The following PI4KA variants were observed in gnomAD, a reference collection of about 807,000 sequenced individuals.
PI4KA encodes PI4-kinase alpha.
PI4KA carries 122 observed loss-of-function variants against 271.4 expected under a neutral mutation model. The ratio of observed to expected loss-of-function variants is 0.45; its 90% confidence interval spans 0.39 to 0.52. PI4KA has a LOEUF of 0.52. Among genes scored for constraint, PI4KA ranks in the 20% least tolerant of loss-of-function variants. The probability of loss-of-function intolerance (pLI) is 0.00; values close to 1 mark genes in which losing one functional copy is unlikely to be tolerated. For synonymous variants in PI4KA, 1,041 were observed against 1,078.8 expected (o/e 0.96, Z 0.69); for missense variants, 1,969 against 2,769.1 (o/e 0.71, Z 6.48).
At chr22:20,793,292 T>TA in intron 18 of PI4KA, 49 bp from the exon 19 acceptor site, 3 of 1,085,358 alleles carry the variant, frequency 2.8e-6, no homozygotes, top group Non-Finnish European at 4.2e-6. Flanking sequence ...GTTTCTTTTA[T>TA]TAAAAAAAAA....
chr22:20,853,431 C>T lies in PI4KA; in HGVS notation c.156+5139G>A, dbSNP rs543201657. ...ACAGGTGAGAACCAGGAAAGCAGAACAAGACTAGCGGGCAGATAGAAATCA... is the reference window on the plus strand; with the variant it reads ...ACAGGTGAGAACCAGGAAAGCAGAATAAGACTAGCGGGCAGATAGAAATCA... On this transcript the variant is annotated intron_variant, in intron 1 of 54. Transcript: ENST00000255882. Among the ~76,000 whole-genome samples the T allele has an allele frequency of 3.3e-3, 506 of 152,306 alleles. 1 individual carries two copies. The highest frequency in any genetic ancestry group is 4.6e-3 in the Non-Finnish European group (310 of 68,030).
At chr22:20,718,471 G>C (rs1266689293) in intron 44 of PI4KA, among the ~76,000 whole-genome samples, 1 of 152,164 alleles carries the variant, frequency 6.6e-6, no homozygotes, top group Non-Finnish European at 1.5e-5. Flanking sequence ...TGGCGTGGCC[G>C]TGCATTCTGC....
At chr22:20,722,687 G>T (rs1351979820) in intron 42 of PI4KA, among the ~76,000 whole-genome samples, 2 of 151,842 alleles carry the variant, frequency 1.3e-5, no homozygotes, top group Non-Finnish European at 2.9e-5. Flanking sequence ...CATGCCCTAG[G>T]TTTAAAAAGG....
chr22:20,779,757 G>T, intron 19 of PI4KA: 1 of 1,614,180 alleles, frequency 6.2e-7, no homozygotes, highest in East Asian at 2.2e-5. Context: ...CAACACTTTC[G>T]ATAACATCTT....
chr22:20,855,042 C>G (rs916035112), intron 1 of PI4KA, among the ~76,000 whole-genome samples: 1 of 151,724 alleles, frequency 6.6e-6, no homozygotes, highest in Non-Finnish European at 1.5e-5. Context: ...GTCCCAGCTA[C>G]TCAGGAGACT....
chr22:20,710,917 G>A (rs1293483238), intron 51 of PI4KA, 59 bp from the exon 52 acceptor site: 1 of 1,597,530 alleles, frequency 6.3e-7, no homozygotes, highest in Non-Finnish European at 8.6e-7. Context: ...GCAAGGACAA[G>A]TGGTCTGTTT....
Position 20,747,556 on chromosome 22 carries a change from A to G in PI4KA, c.3363+27T>C, listed in dbSNP as rs368224531. The G allele has an allele frequency of 5.6e-6, 9 of 1,612,024 alleles. No individual in the cohort carries two copies. In the African/African-American group the frequency reaches 8.0e-5, roughly 14 times the overall value. On this transcript the variant is annotated intron_variant, in intron 29 of 54. Transcript: ENST00000255882. ...TGTGGCTCCTATGGTCTAAGGGGTC[A>G]CTGCTCTTCAGAAGGCTCGCACATA...
chr22:20,796,430 T>C, intron 17 of PI4KA, 116 bp from the exon 18 acceptor site: 1 of 836,274 alleles, frequency 1.2e-6, no homozygotes, highest in Non-Finnish European at 1.9e-6. Context: ...CTTACCACAC[T>C]CCTCCCAGTG....
intron 30 of PI4KA, 36 bp downstream of exon 30, chr22:20,744,592 G>C: frequency 6.6e-7 from 1 of 1,513,958 alleles, no homozygotes. Flanking sequence ...AAGAGGACAC[G>C]TTAAAGGCCC....
chr22:20,793,430 C>A, intron 18 of PI4KA, 187 bp from the exon 19 acceptor site: 1 of 514,498 alleles, frequency 1.9e-6, no homozygotes. Flanking sequence ...AAAATGAAAA[C>A]AAATGTGAAA....
intron 1 of PI4KA, among the ~76,000 whole-genome samples, chr22:20,853,801 G>A (rs1280648701): frequency 6.6e-6 from 1 of 152,038 alleles, no homozygotes; most frequent in African/African-American, 2.4e-5. Context: ...TGGTCAGGTT[G>A]GGGTAGCTCA....
In PI4KA at chr22:20,858,772, C is replaced by G. The variant is rs147360145; in HGVS notation, c.-47G>C. On this transcript the variant is annotated 5_prime_UTR_variant, in exon 1 of 55. Transcript: ENST00000255882. ...GCCCGCCGGCTCCCCGCTCCTGGCC[C>G]GCGAGCGCCCGACCTCAGGGCGCAG... 0.041 allele frequency: 55,485 copies of G among 1,366,672 alleles called. 1,261 individuals are homozygous for G. Among genetic ancestry groups the G allele is most frequent in the Non-Finnish European group, 0.046 (48,509 of 1,056,032 alleles). 84.7% of individuals were successfully genotyped at this position (1,366,672 alleles called of 1,614,324 possible). A position where few individuals can be genotyped will look rare whatever the true frequency, so the allele number is the denominator to read the frequency against.
chr22:20,843,065 T>A (rs1363062036), intron 1 of PI4KA, among the ~76,000 whole-genome samples: 1 of 138,658 alleles, frequency 7.2e-6, no homozygotes. Flanking sequence ...GCCACTGCAC[T>A]CCAGCCTGGG....
intron 23 of PI4KA, among the ~76,000 whole-genome samples, chr22:20,756,819 T>C (rs1394589126): frequency 1.3e-5 from 2 of 151,010 alleles, no homozygotes; most frequent in Non-Finnish European, 3.0e-5. Flanking sequence ...TTAGTAGAGA[T>C]GGGTTTCATC....
At chr22:20,725,828 C>T in intron 42 of PI4KA, 1 of 247,048 alleles carries the variant, frequency 4.0e-6, no homozygotes, top group Non-Finnish European at 8.5e-6. Flanking sequence ...GGGAGGATAG[C>T]TTGAGCCCGA....
Position 20,798,813 on chromosome 22 carries a change from C to T in PI4KA, c.2005-126G>A, listed in dbSNP as rs112407606. The T allele has an allele frequency of 4.0e-4, 283 of 704,076 alleles. 2 individuals carry two copies. The African/African-American group carries it at 4.3e-3, about 11-fold the overall frequency. 43.6% of individuals were successfully genotyped at this position (704,076 alleles called of 1,614,324 possible). ...GCCCAAAGACTATCAGCCCAAAGAT[C>T]ATCCATTTCTAAAGCTTTAATCAAA... On this transcript the variant is annotated intron_variant, in intron 16 of 54. Coordinates refer to ENST00000255882, the MANE Select transcript of PI4KA (RefSeq NM_058004.4).
chr22:20,779,202 C>T, intron 19 of PI4KA: 1 of 1,597,532 alleles, frequency 6.3e-7, no homozygotes, highest in East Asian at 2.2e-5. Context: ...GGGCCTCTTC[C>T]TGGGTCAAAG....
chr22:20,732,951 G>A lies in PI4KA; in HGVS notation c.4288+20C>T, dbSNP rs778093823. ...GTCCTGCCTGCCTCCACCATGAGCA[G>A]CTGCACTGTTGAGGGTTACCTGGGG... is the stretch of plus-strand genomic sequence containing the variant. On this transcript the variant is annotated intron_variant, in intron 36 of 54. Coordinates refer to ENST00000255882, the MANE Select transcript of PI4KA (RefSeq NM_058004.4). The A allele has an allele frequency of 3.1e-5, 50 of 1,610,832 alleles. No individual in the cohort carries two copies. The highest frequency in any genetic ancestry group is 1.6e-4 in the South Asian group (15 of 90,974).
At chr22:20,721,035 G>A (rs969658249) in intron 43 of PI4KA, among the ~76,000 whole-genome samples, 2 of 152,330 alleles carry the variant, frequency 1.3e-5, no homozygotes, top group East Asian at 3.9e-4. Context: ...AGACTCTGCA[G>A]AAGCAGCCAC....
Sources: allele counts gnomAD v4.1 joint callset (sites outside exome capture counted in the v4.1 genomes callset), GRCh38; gene constraint gnomAD v4.1.1; transcripts MANE v1.5; gene names NCBI Gene and HGNC (gene_info 2026-07-23, HGNC 2026-07-21).